The following EXD3 variants were observed in gnomAD, a reference collection of about 807,000 sequenced individuals.
EXD3 encodes exonuclease mut-7 homolog.
In EXD3, 92 loss-of-function variants were observed where a neutral mutation model predicts 98.0. The observed-to-expected ratio is 0.94, with a 90% CI of 0.79 to 1.12. EXD3 has a LOEUF of 1.12. EXD3 is among the 50% of genes most tolerant of loss of function. The pLI is 0.00. For missense variants in EXD3, 1,222 were observed against 1,191.6 expected (o/e 1.03, Z -0.38); for synonymous variants, 569 against 526.0 (o/e 1.08, Z -1.12).
At chr9:137,323,296 C>G (rs371289067) in intron 19 of EXD3, among the ~76,000 whole-genome samples, 1 of 5,898 alleles carries the variant, frequency 1.7e-4, no homozygotes, top group Non-Finnish European at 2.8e-4. Context: ...TGCCGACACC[C>G]CACCCCGGAC....
chr9:137,385,668 G>A lies in EXD3; in HGVS notation c.56-2291C>T, dbSNP rs1836554900. ...CGTGCCTCAGCCTCCGGAGTAGCTG[G>A]GAGTACAGGCGCTCACCGCTACGCC... On this transcript the variant is annotated intron_variant, in intron 2 of 21. Transcript: ENST00000340951. The surrounding 1 kb of genome is among the most constrained non-coding windows in gnomAD (Gnocchi z 4.4). Among the ~76,000 whole-genome samples the A allele has an allele frequency of 6.6e-6, 1 of 152,028 alleles. No individual in the cohort carries two copies. Among genetic ancestry groups the A allele is most frequent in the Non-Finnish European group, 1.5e-5 (1 of 67,996 alleles).
At chr9:137,414,369 G>A (rs750675387) in intron 1 of EXD3, among the ~76,000 whole-genome samples, 4 of 152,290 alleles carry the variant, frequency 2.6e-5, no homozygotes, top group South Asian at 2.1e-4. Context: ...GCAGACATTC[G>A]GGCCGCACCC....
intron 19 of EXD3, among the ~76,000 whole-genome samples, chr9:137,316,686 C>T (rs923359510): frequency 2.6e-5 from 4 of 152,192 alleles, no homozygotes; most frequent in African/African-American, 9.6e-5. Flanking sequence ...GAGGCTGCTC[C>T]GGGCTGCAGG....
chr9:137,343,886 C>A (rs1196182367), intron 17 of EXD3, among the ~76,000 whole-genome samples: 2 of 89,098 alleles, frequency 2.2e-5, no homozygotes, highest in Non-Finnish European at 4.1e-5. Context: ...CCGCGCCCGG[C>A]CTTTTTTTTT....
intron 8 of EXD3, among the ~76,000 whole-genome samples, chr9:137,355,621 G>C (rs1274766765): frequency 1.6e-3 from 6 of 3,846 alleles, no homozygotes; most frequent in South Asian, 0.01. Flanking sequence ...GAAGGAGGAA[G>C]GGAGGATGGA....
chr9:137,391,370 C>G (rs1025560986), intron 2 of EXD3, among the ~76,000 whole-genome samples: 2 of 152,360 alleles, frequency 1.3e-5, no homozygotes, highest in Non-Finnish European at 2.9e-5. Flanking sequence ...GGCCACGTCC[C>G]CAGCCCCAGG....
At chr9:137,327,647 G>A (rs1227891622) in intron 17 of EXD3, among the ~76,000 whole-genome samples, 2 of 135,326 alleles carry the variant, frequency 1.5e-5, no homozygotes, top group Non-Finnish European at 3.3e-5. Flanking sequence ...CCCATATGAT[G>A]AGTAAAAACA....
At position 137,349,038 on chromosome 9, in the gene EXD3, G is replaced by T. The variant is rs956813119; in HGVS notation, c.1830+72C>A. The T allele has an allele frequency of 1.3e-6, 2 of 1,490,018 alleles. No individual in the cohort carries two copies. The highest frequency in any genetic ancestry group is 1.8e-6 in the Non-Finnish European group (2 of 1,121,148). 92.3% of individuals were successfully genotyped at this position (1,490,018 alleles called of 1,614,324 possible). A position where few individuals can be genotyped will look rare whatever the true frequency, so the allele number is the denominator to read the frequency against. On this transcript the variant is annotated intron_variant, in intron 16 of 21. Coordinates refer to ENST00000340951, the MANE Select transcript of EXD3 (RefSeq NM_017820.5). The surrounding 1 kb of genome is among the most constrained non-coding windows in gnomAD (Gnocchi z 7.4). ...ACCCAGTGGCCTTGTCTCCATGCAG[G>T]TCCTTGGTTTATGGACAGGGATCTC...
chr9:137,415,998 C>T (rs1838214234), intron 1 of EXD3, among the ~76,000 whole-genome samples: 1 of 152,188 alleles, frequency 6.6e-6, no homozygotes, highest in Non-Finnish European at 1.5e-5. Context: ...TTTCTGAATA[C>T]TACACAATGT....
chr9:137,317,005 G>A (rs1478632137), intron 19 of EXD3, among the ~76,000 whole-genome samples: 3 of 152,144 alleles, frequency 2.0e-5, no homozygotes, highest in Non-Finnish European at 4.4e-5. Flanking sequence ...CCCATGTCAT[G>A]AGGCATAGGG....
At chr9:137,412,270 C>T (rs1343443639) in intron 1 of EXD3, among the ~76,000 whole-genome samples, 1 of 152,240 alleles carries the variant, frequency 6.6e-6, no homozygotes, top group African/African-American at 2.4e-5. Flanking sequence ...TTGTCTGACA[C>T]AGCAGCCACA....
intron 17 of EXD3, among the ~76,000 whole-genome samples, chr9:137,336,487 C>T (rs1037345715): frequency 3.3e-5 from 5 of 151,362 alleles, no homozygotes; most frequent in Admixed American, 6.6e-5. Flanking sequence ...ATGGCGAAAC[C>T]TCATATCTAC....
chr9:137,327,547 G>C (rs1832498752), intron 17 of EXD3, among the ~76,000 whole-genome samples: 1 of 151,984 alleles, frequency 6.6e-6, no homozygotes, highest in Non-Finnish European at 1.5e-5. Flanking sequence ...GGTTAAAATG[G>C]TCAATTTCGT....
At chr9:137,332,337 C>A (rs982564959) in intron 17 of EXD3, among the ~76,000 whole-genome samples, 1 of 152,172 alleles carries the variant, frequency 6.6e-6, no homozygotes, top group African/African-American at 2.4e-5. Flanking sequence ...CGCCTGTAAT[C>A]CCAGGACTTT....
At chr9:137,312,624 GAGC>G (rs1397048132) in intron 19 of EXD3, among the ~76,000 whole-genome samples, 2 of 152,202 alleles carry the variant, frequency 1.3e-5, no homozygotes, top group Admixed American at 1.3e-4. Flanking sequence ...GTGAGGGAAA[GAGC>G]TGCTCAGCCA....
intron 1 of EXD3, among the ~76,000 whole-genome samples, chr9:137,406,794 G>A (rs942951163): frequency 6.6e-6 from 1 of 152,072 alleles, no homozygotes; most frequent in Admixed American, 6.5e-5. Flanking sequence ...CTCCTCTGGG[G>A]TGTCTGTGTC....
At chr9:137,390,467 CAAAT>C (rs1836848123) in intron 2 of EXD3, among the ~76,000 whole-genome samples, 1 of 151,126 alleles carries the variant, frequency 6.6e-6, no homozygotes, top group African/African-American at 2.4e-5. Context: ...AAAAATTACA[CAAAT>C]AAATAAAAAC....
chr9:137,366,455 C>T, intron 7 of EXD3, 38 bp downstream of exon 7: 1 of 1,532,788 alleles, frequency 6.5e-7, no homozygotes, highest in East Asian at 2.5e-5. Flanking sequence ...TCCCAGGATG[C>T]CATCTGGTGC....
In EXD3 at chr9:137,324,982, G is replaced by A. The variant is rs533956895; in HGVS notation, c.1999-839C>T. On this transcript the variant is annotated intron_variant, in intron 17 of 21. Coordinates refer to ENST00000340951, the MANE Select transcript of EXD3 (RefSeq NM_017820.5). The surrounding 1 kb of genome is among the most constrained non-coding windows in gnomAD (Gnocchi z 4.1). ...GCTGGGATTACAGGTGTGAGTCACC[G>A]CGCCTGGCCAAAATTAAGCATATTA... Among the ~76,000 whole-genome samples the A allele has an allele frequency of 6.6e-6, 1 of 152,204 alleles. No individual in the cohort carries two copies. Among genetic ancestry groups the A allele is most frequent in the Admixed American group, 6.5e-5 (1 of 15,296 alleles).
Sources: allele counts gnomAD v4.1 joint callset (sites outside exome capture counted in the v4.1 genomes callset), GRCh38; gene constraint gnomAD v4.1.1; non-coding constraint Gnocchi (gnomAD v3.1); transcripts MANE v1.5; gene names NCBI Gene and HGNC (gene_info 2026-07-23, HGNC 2026-07-21).